THEMIS: variants seen among roughly 807,000 people sequenced by gnomAD.
THEMIS encodes the protein thymocyte selection associated, also known as protein THEMIS.
THEMIS carries 37 observed loss-of-function variants against 52.6 expected under a neutral mutation model. That is an observed-to-expected ratio of 0.70 (90% CI 0.54 to 0.93). The LOEUF (loss-of-function observed/expected upper bound fraction) is 0.93, where lower values mean the gene tolerates loss of function less well. THEMIS is among the 40% of genes least tolerant of loss of function. The pLI is 0.00. For missense variants in THEMIS, 808 were observed against 763.1 expected, an observed-to-expected ratio of 1.06 and a Z score of -0.69; for synonymous variants, 292 against 272.7, an observed-to-expected ratio of 1.07 and a Z score of -0.70.
At chr6:127,794,876 T>C (rs1013856637) in intron 4 of THEMIS, among the ~76,000 whole-genome samples, 1 of 152,176 alleles carries the variant, frequency 6.6e-6, no homozygotes, top group Non-Finnish European at 1.5e-5. Flanking sequence ...CAAGACAAAG[T>C]AAACATTAAG....
At chr6:127,908,167 A>T (rs1332650535) in intron 1 of THEMIS, among the ~76,000 whole-genome samples, 1 of 152,028 alleles carries the variant, frequency 6.6e-6, no homozygotes, top group East Asian at 1.9e-4. Context: ...TTCTTTTTTG[A>T]TCATCCTTTT....
At chr6:127,857,722 A>G (rs1210904925) in intron 1 of THEMIS, among the ~76,000 whole-genome samples, 2 of 152,062 alleles carry the variant, frequency 1.3e-5, no homozygotes, top group Non-Finnish European at 2.9e-5. Context: ...CTACTGAATC[A>G]GAACCTGTGT....
At chr6:127,850,235 C>A (rs1266808788) in intron 2 of THEMIS, among the ~76,000 whole-genome samples, 1 of 151,900 alleles carries the variant, frequency 6.6e-6, no homozygotes. Flanking sequence ...AGTCAAAAAA[C>A]AATAGATGAT....
At chr6:127,914,478 A>G (rs1328276359) in intron 1 of THEMIS, among the ~76,000 whole-genome samples, 1 of 152,188 alleles carries the variant, frequency 6.6e-6, no homozygotes, top group Non-Finnish European at 1.5e-5. Flanking sequence ...GTGTGCTTAC[A>G]CAAACCTAGG....
At chr6:127,849,670 C>A (rs1168952868) in intron 2 of THEMIS, among the ~76,000 whole-genome samples, 4 of 151,790 alleles carry the variant, frequency 2.6e-5, no homozygotes. Context: ...ATAAATGGTG[C>A]TAGAAAAACT....
At chr6:127,840,660 T>C (rs949044834) in intron 2 of THEMIS, among the ~76,000 whole-genome samples, 9 of 152,132 alleles carry the variant, frequency 5.9e-5, no homozygotes, top group Admixed American at 6.6e-5. Flanking sequence ...TGAATGTTTA[T>C]AGCAGCCTTA....
At chr6:127,770,950 G>C (rs1032843835) in intron 4 of THEMIS, among the ~76,000 whole-genome samples, 2 of 152,012 alleles carry the variant, frequency 1.3e-5, no homozygotes, top group African/African-American at 2.4e-5. Context: ...AGAAATAAAG[G>C]GTATTCAATT....
At chr6:127,724,690 A>G (rs1244668994) in intron 4 of THEMIS, among the ~76,000 whole-genome samples, 1 of 152,048 alleles carries the variant, frequency 6.6e-6, no homozygotes, top group African/African-American at 2.4e-5. Flanking sequence ...TGACTATTAA[A>G]TTATTTTTAT....
At chr6:127,882,801 A>C (rs1780525945) in intron 1 of THEMIS, among the ~76,000 whole-genome samples, 1 of 151,946 alleles carries the variant, frequency 6.6e-6, no homozygotes, top group South Asian at 2.1e-4. Flanking sequence ...AGTAGAATAC[A>C]ATACTGTGAT....
chr6:127,840,919 G>A (rs1237878250), intron 2 of THEMIS, among the ~76,000 whole-genome samples: 1 of 152,048 alleles, frequency 6.6e-6, no homozygotes, highest in African/African-American at 2.4e-5. Flanking sequence ...ACAGGAAAAG[G>A]ATCAGTGGTT....
intron 1 of THEMIS, among the ~76,000 whole-genome samples, chr6:127,900,526 A>T (rs1222253222): frequency 1.3e-5 from 2 of 152,064 alleles, no homozygotes; most frequent in Admixed American, 1.3e-4. Flanking sequence ...AATATTGATA[A>T]CTAAATTTAT....
chr6:127,755,798 G>A (rs148650490), intron 4 of THEMIS, among the ~76,000 whole-genome samples: 247 of 152,082 alleles, frequency 1.6e-3, no homozygotes, highest in Middle Eastern at 6.8e-3. Context: ...TTTGGGAGGC[G>A]GGCAGATCAC....
intron 4 of THEMIS, among the ~76,000 whole-genome samples, chr6:127,757,731 C>T (rs1175913885): frequency 2.6e-5 from 4 of 152,102 alleles, no homozygotes; most frequent in Non-Finnish European, 5.9e-5. Context: ...GATTGGCCCG[C>T]CTCGGCCTCC....
intron 4 of THEMIS, among the ~76,000 whole-genome samples, chr6:127,722,296 G>A (rs1774388932): frequency 6.6e-6 from 1 of 151,852 alleles, no homozygotes; most frequent in South Asian, 2.1e-4. Flanking sequence ...TTAAGTTGCT[G>A]ACCTTGCCAC....
chr6:127,901,013 C>G lies in THEMIS; in HGVS notation c.-81G>C. On this transcript the variant is annotated 5_prime_UTR_variant, in exon 1 of 6. Coordinates refer to ENST00000368248, the MANE Select transcript of THEMIS (RefSeq NM_001010923.3). ...GGTGACACTTGTCTGCAATTGCAGC[C>G]CCTGCTCACCATTTCTTCCTCAGGC... The G allele has an allele frequency of 9.3e-7, 1 of 1,072,476 alleles. No homozygotes were observed. Among genetic ancestry groups the G allele is most frequent in the Middle Eastern group, 2.0e-4 (1 of 4,906 alleles). 66.4% of individuals were successfully genotyped at this position (1,072,476 alleles called of 1,614,324 possible).
In THEMIS at chr6:127,813,261, C is replaced by A. The variant is rs141905910; in HGVS notation, c.1380G>T (p.Lys460Asn). ...CKQFRLPFNVKVSVRDLSIEE... is the reference protein window; with the variant it reads ...CKQFRLPFNVNVSVRDLSIEE... ...CAATGGAAAGATCCCTGACAGACAC[C>A]TTCACATTGAAGGGCAAACGGAACT... Residue 460 changes from lysine to asparagine, a missense_variant, in exon 4 of 6, where the codon AAG becomes AAT. Transcript: ENST00000368248. 2 of 1,614,116 alleles carry A rather than the reference C, an allele frequency of 1.2e-6. No individual in the cohort carries two copies. The highest frequency in any genetic ancestry group is 1.7e-5 in the Admixed American group (1 of 60,000).
Position 127,792,965 on chromosome 6 carries a change from T to C in THEMIS, c.1758+19918A>G, listed in dbSNP as rs143270439. Among the ~76,000 whole-genome samples the C allele has an allele frequency of 6.2e-3, 945 of 152,292 alleles. 15 individuals carry two copies. The highest frequency in any genetic ancestry group is 0.022 in the African/African-American group (908 of 41,552). On this transcript the variant is annotated intron_variant, in intron 4 of 5. Transcript: ENST00000368248. ...TTAGCTAAATGGGGGTAGATTTCTTTCCATTTGCAAAAACAAGCCATTTCC... is the reference window on the plus strand; with the variant it reads ...TTAGCTAAATGGGGGTAGATTTCTTCCCATTTGCAAAAACAAGCCATTTCC...
intron 4 of THEMIS, among the ~76,000 whole-genome samples, chr6:127,763,501 T>C (rs897145856): frequency 1.3e-5 from 2 of 151,936 alleles, no homozygotes; most frequent in Non-Finnish European, 2.9e-5. Flanking sequence ...TTAGAAGTGA[T>C]TTAAAACAAA....
At chr6:127,796,464 G>T (rs1285971132) in intron 4 of THEMIS, among the ~76,000 whole-genome samples, 5 of 152,156 alleles carry the variant, frequency 3.3e-5, no homozygotes, top group Admixed American at 1.3e-4. Flanking sequence ...TATGCAGTCG[G>T]AATGCCTGTA....
Sources: gnomAD v4.1 joint callset for allele counts (sites outside exome capture counted in the v4.1 genomes callset) on GRCh38, gnomAD v4.1.1 for gene constraint, MANE v1.5 for transcripts, NCBI Gene and HGNC (gene_info 2026-07-23, HGNC 2026-07-21) for gene names.